Variants in TRIO observed in about 807,000 individuals in gnomAD.
The protein encoded by TRIO is trio Rho guanine nucleotide exchange factor.
In TRIO, 58 loss-of-function variants were observed where a neutral mutation model predicts 351.9. The ratio of observed to expected loss-of-function variants is 0.16; its 90% CI spans 0.13 to 0.21. The LOEUF (loss-of-function observed/expected upper bound fraction) is 0.21, where lower values mean the gene tolerates loss of function less well. Ranked by LOEUF, TRIO falls within the 10% of genes least tolerant of loss-of-function variation. The probability of loss-of-function intolerance (pLI) is 1.00; values close to 1 mark genes in which losing one functional copy is unlikely to be tolerated. For missense variants in TRIO, 3,201 were observed against 4,027.8 expected (o/e 0.79, Z 5.56); for synonymous variants, 1,758 against 1,595.7 (o/e 1.10, Z -2.42).
chr5:14,157,676 C>A (rs1012632827), intron 1 of TRIO, among the ~76,000 whole-genome samples: 28 of 152,112 alleles, frequency 1.8e-4, no homozygotes, highest in African/African-American at 6.8e-4. Flanking sequence ...CAGCCTCCAT[C>A]TTCTGGGCTC....
Position 14,467,129 on chromosome 5 carries a change from C to T in TRIO, c.5763+1489C>T, listed in dbSNP as rs187110593. Among the ~76,000 whole-genome samples, 25 of 152,268 alleles carry T rather than the reference C, an allele frequency of 1.6e-4. 1 individual carries two copies. The highest frequency in any genetic ancestry group is 1.3e-3 in the Admixed American group (20 of 15,294). On this transcript the variant is annotated intron_variant, in intron 37 of 56. Transcript: ENST00000344204. ...ATGCTATAATTTATTTAAATATATT[C>T]CTAATACATACTTGTTTCCCATATT...
chr5:14,375,259 C>T (rs757665244), intron 19 of TRIO, among the ~76,000 whole-genome samples: 1 of 152,182 alleles, frequency 6.6e-6, no homozygotes, highest in Non-Finnish European at 1.5e-5. Flanking sequence ...TCTTCTGGGC[C>T]AGCAAGTTAT....
At chr5:14,212,304 G>T (rs539610327) in intron 1 of TRIO, among the ~76,000 whole-genome samples, 1 of 152,108 alleles carries the variant, frequency 6.6e-6, no homozygotes, top group South Asian at 2.1e-4. Flanking sequence ...TTTCCAGCTC[G>T]CCCAAGTATG....
intron 16 of TRIO, among the ~76,000 whole-genome samples, chr5:14,368,008 A>C (rs1294678315): frequency 3.9e-5 from 6 of 152,188 alleles, no homozygotes; most frequent in African/African-American, 1.4e-4. Flanking sequence ...GTTTAAAAAA[A>C]ATCTGTCCTT....
At chr5:14,373,956 C>T (rs181730852) in intron 18 of TRIO, among the ~76,000 whole-genome samples, 84 of 152,284 alleles carry the variant, frequency 5.5e-4, no homozygotes, top group Middle Eastern at 6.8e-3. Flanking sequence ...TCCCTTCCTC[C>T]GTGACCGTAA....
intron 49 of TRIO, among the ~76,000 whole-genome samples, chr5:14,493,943 A>G (rs555389244): frequency 1.3e-4 from 20 of 152,330 alleles, no homozygotes; most frequent in African/African-American, 4.6e-4. Context: ...CCCAACCCAG[A>G]ACAAGGCTCC....
At chr5:14,188,425 G>C (rs1019039104) in intron 1 of TRIO, among the ~76,000 whole-genome samples, 1 of 152,142 alleles carries the variant, frequency 6.6e-6, no homozygotes, top group Non-Finnish European at 1.5e-5. Context: ...CTAGTTCTTG[G>C]CCCATTCTCT....
intron 15 of TRIO, among the ~76,000 whole-genome samples, chr5:14,366,359 C>A (rs1744588142): frequency 6.6e-6 from 1 of 152,126 alleles, no homozygotes; most frequent in African/African-American, 2.4e-5. Context: ...TGAACCTGAT[C>A]ATTGTAGCAC....
At chr5:14,211,945 T>C (rs1791929701) in intron 1 of TRIO, among the ~76,000 whole-genome samples, 1 of 118,886 alleles carries the variant, frequency 8.4e-6, no homozygotes, top group Non-Finnish European at 1.7e-5. Flanking sequence ...TGAGACCCCA[T>C]CTCTCCAAAA....
At chr5:14,177,724 C>T (rs1196336172) in intron 1 of TRIO, among the ~76,000 whole-genome samples, 2 of 152,190 alleles carry the variant, frequency 1.3e-5, no homozygotes. Flanking sequence ...TCCCACTTCT[C>T]ATCAGTCCCT....
In TRIO at chr5:14,492,730, G is replaced by T; in HGVS notation, c.7796G>T (p.Cys2599Phe). 1.2e-6 allele frequency: 2 copies of T among 1,614,142 alleles called. No homozygotes were observed. Among genetic ancestry groups the T allele is most frequent in the Non-Finnish European group, 1.7e-6 (2 of 1,180,000 alleles). Residue 2599 changes from cysteine (C) to phenylalanine (F), a missense_variant, in exon 49 of 57, where the codon TGC (cysteine) becomes TTC (phenylalanine). Transcript: ENST00000344204. Reference sequence around the variant, plus strand: ...GTGTTCCGAGCCGCCACTGACCAGTGCCCCGCAGCTGAGGGCTGGATTCCA... The same window carrying T: ...GTGTTCCGAGCCGCCACTGACCAGTTCCCCGCAGCTGAGGGCTGGATTCCA... ...FLVFRAATDQ[C>F]PAAEGWIPGF...
At chr5:14,199,119 C>G (rs573819388) in intron 1 of TRIO, among the ~76,000 whole-genome samples, 83 of 143,080 alleles carry the variant, frequency 5.8e-4, no homozygotes, top group African/African-American at 2.1e-3. Context: ...TGCCTGTAAT[C>G]CCAGCTACTT....
chr5:14,364,795 C>T lies in TRIO; in HGVS notation c.2733C>T (p.His911=), dbSNP rs1202230129. 1 of 1,610,622 alleles carries T rather than the reference C, an allele frequency of 6.2e-7. No individual in the cohort carries two copies. Among genetic ancestry groups the T allele is most frequent in the Non-Finnish European group, 8.5e-7 (1 of 1,179,108 alleles). Residue 911 remains histidine, a synonymous_variant, in exon 15 of 57, where the codon CAC becomes CAT. Coordinates refer to ENST00000344204, the MANE Select transcript of TRIO (RefSeq NM_007118.4). ...TGGAGCAGTGCGTGCAGCTGCGCCA[C>T]CTGCAGGCAGAAGTGAAACAGGTGA... ...KHLEQCVQLR[H]LQAEVKQVLG...
chr5:14,416,618 C>T (rs145172819), intron 33 of TRIO, among the ~76,000 whole-genome samples: 7 of 152,260 alleles, frequency 4.6e-5, no homozygotes, highest in Admixed American at 1.3e-4. Flanking sequence ...ATTTTTATTT[C>T]TTATGTGCTG....
chr5:14,507,063 C>T (rs1757739494), intron 55 of TRIO, 59 bp from the exon 56 acceptor site: 3 of 1,516,212 alleles, frequency 2.0e-6, no homozygotes, highest in African/African-American at 1.4e-5. Flanking sequence ...TTCTTACTAG[C>T]CCAAAGAGGT....
At chr5:14,440,026 A>T (rs1182868173) in intron 34 of TRIO, among the ~76,000 whole-genome samples, 1 of 152,230 alleles carries the variant, frequency 6.6e-6, no homozygotes, top group Admixed American at 6.5e-5. Context: ...GGTGGGGACA[A>T]AACCAAAATT....
chr5:14,261,215 G>T (rs971037303), intron 1 of TRIO, among the ~76,000 whole-genome samples: 1 of 152,214 alleles, frequency 6.6e-6, no homozygotes, highest in Non-Finnish European at 1.5e-5. Context: ...TGTATAGACT[G>T]TCTGGAACGC....
In TRIO at chr5:14,461,047, C is replaced by A; in HGVS notation, c.5232C>A (p.Ala1744=). The change falls in exon 35 of 57, where the codon GCC becomes GCA. Residue 1744 remains alanine, a synonymous_variant. Coordinates refer to ENST00000344204, the MANE Select transcript of TRIO (RefSeq NM_007118.4). ...CGCTCTCCGTCTCCAGCAATGACGC[C>A]AGTCCACCCGCATCCGTGGCTTCCC... ...KDSLSVSSND[A]SPPASVASLQ... is the part of the protein sequence containing the mutation. 6.3e-7 allele frequency: 1 copy of A among 1,583,052 alleles called. No homozygotes were observed. Among genetic ancestry groups the A allele is most frequent in the Non-Finnish European group, 8.6e-7 (1 of 1,164,452 alleles).
Position 14,387,917 on chromosome 5 carries a change from G to A in TRIO, c.3881+70G>A. The A allele has an allele frequency of 6.0e-6, 9 of 1,508,136 alleles. No individual in the cohort carries two copies. In the South Asian group the frequency reaches 1.1e-4, roughly 18 times the overall value. 93.4% of individuals were successfully genotyped at this position (1,508,136 alleles called of 1,614,324 possible). A position where few individuals can be genotyped will look rare whatever the true frequency, so the allele number is the denominator to read the frequency against. On this transcript the variant is annotated intron_variant, in intron 23 of 56. Transcript: ENST00000344204. ...AAGAGAATGTCATTTGGACAGACAT[G>A]CTTCTGTGTGTGCTTTGAAGTCACA...
Sources: allele counts gnomAD v4.1 joint callset (sites outside exome capture counted in the v4.1 genomes callset), GRCh38; gene constraint gnomAD v4.1.1; transcripts MANE v1.5; gene names NCBI Gene and HGNC (gene_info 2026-07-23, HGNC 2026-07-21).